The following RARB variants were observed in gnomAD, a reference collection of about 807,000 sequenced individuals.
The protein encoded by RARB is retinoic acid receptor beta, also known as HBV-activated protein.
A neutral mutation model predicts 51.9 loss-of-function variants in RARB; 17 were observed. The observed-to-expected ratio is 0.33, with a 90% CI of 0.22 to 0.49. The LOEUF is 0.49. Ranked by LOEUF, RARB falls within the 20% of genes least tolerant of loss-of-function variation. The probability of loss-of-function intolerance (pLI) is 0.99; values close to 1 mark genes in which losing one functional copy is unlikely to be tolerated. For synonymous variants in RARB, 215 were observed against 195.4 expected (o/e 1.10, Z -0.84); for missense variants, 369 against 550.8 (o/e 0.67, Z 3.30).
At chr3:25,227,811 A>G (rs1246749970) in intron 5 of RARB, among the ~76,000 whole-genome samples, 2 of 152,074 alleles carry the variant, frequency 1.3e-5, no homozygotes, top group South Asian at 2.1e-4. Context: ...ACATCCCTTT[A>G]TTCATTTCTT....
chr3:24,984,301 TA>T (rs1216411181), intron 2 of RARB, among the ~76,000 whole-genome samples: 1 of 152,222 alleles, frequency 6.6e-6, no homozygotes, highest in Non-Finnish European at 1.5e-5. Flanking sequence ...TAGATACTAC[TA>T]AAGTAGGTTT....
In RARB at chr3:24,863,355, A is replaced by C. The variant is rs143159002; in HGVS notation, c.-380+4603A>C. ...GCTTGGTGATGACAATTCCCTGTCTATAAAACGCTGATAGTTAAACAGTGA... is the reference window on the plus strand; with the variant it reads ...GCTTGGTGATGACAATTCCCTGTCTCTAAAACGCTGATAGTTAAACAGTGA... On this transcript the variant is annotated intron_variant, in intron 2 of 11. Coordinates refer to the RARB transcript ENST00000383772. Among the ~76,000 whole-genome samples, 3 of 152,342 alleles carry C rather than the reference A, an allele frequency of 2.0e-5. No individual in the cohort carries two copies. The East Asian group carries it at 5.8e-4, about 29-fold the overall frequency.
At chr3:25,278,292 T>G (rs1703440612) in intron 5 of RARB, among the ~76,000 whole-genome samples, 1 of 152,192 alleles carries the variant, frequency 6.6e-6, no homozygotes, top group African/African-American at 2.4e-5. Context: ...AATGAAATAA[T>G]GTATGTGAAA....
chr3:25,183,932 C>G (rs922137888), intron 5 of RARB, among the ~76,000 whole-genome samples: 3 of 152,028 alleles, frequency 2.0e-5, no homozygotes, highest in African/African-American at 4.8e-5. Flanking sequence ...TCCCCTTATC[C>G]AGGATTCTTT....
intron 2 of RARB, among the ~76,000 whole-genome samples, chr3:25,051,598 T>TTCAC (rs386396172): frequency 4.0e-5 from 6 of 151,834 alleles, no homozygotes; most frequent in Non-Finnish European, 8.8e-5. Flanking sequence ...AGACTACACA[T>TTCAC]TCAATTTAAT....
At position 24,958,255 on chromosome 3, in the gene RARB, G is replaced by GTTTTGTTTTTTTTTTTT. The variant is rs1314564374; in HGVS notation, c.-380+99507_-380+99508insGTTTTTTTTTTTTTTTT. 1.4e-4 allele frequency among the ~76,000 whole-genome samples: 10 copies of GTTTTGTTTTTTTTTTTT among 69,466 alleles called. 1 individual carries two copies. Among genetic ancestry groups the GTTTTGTTTTTTTTTTTT allele is most frequent in the Admixed American group, 4.4e-4 (2 of 4,556 alleles). The allele number at this position is 69,466 out of a possible 152,430, so 45.6% of individuals were successfully genotyped here. ...ACCTGAAGCTTCCTGAGCTGCTCAGGTTTTTTTTTTTTTTTTTTTTTTTTT... is the reference window on the plus strand; with the variant it reads ...ACCTGAAGCTTCCTGAGCTGCTCAGGTTTTGTTTTTTTTTTTTTTTTTTTTTTTTTTTTTTTTTTTTT... On this transcript the variant is annotated intron_variant, in intron 2 of 11. Transcript: ENST00000383772.
At chr3:25,483,447 T>C (rs553072160) in intron 2 of RARB, among the ~76,000 whole-genome samples, 1 of 152,230 alleles carries the variant, frequency 6.6e-6, no homozygotes, top group African/African-American at 2.4e-5. Flanking sequence ...AGTGATTCCA[T>C]TTGAGTGACT....
chr3:25,394,167 C>T (rs1454925605), intron 5 of RARB, among the ~76,000 whole-genome samples: 1 of 152,074 alleles, frequency 6.6e-6, no homozygotes, highest in Non-Finnish European at 1.5e-5. Flanking sequence ...AGTGACCATT[C>T]GGGAGCAGAT....
chr3:25,562,431 A>G (rs1409691699), intron 3 of RARB, among the ~76,000 whole-genome samples: 1 of 152,192 alleles, frequency 6.6e-6, no homozygotes. Flanking sequence ...GCTCTGTCAC[A>G]AACACGAAGC....
chr3:25,176,361 CCTTCCTTCCTTCCTTCCTTCCTTCCTTA>C (rs1700750965), intron 5 of RARB, among the ~76,000 whole-genome samples: 1 of 109,980 alleles, frequency 9.1e-6, no homozygotes, highest in Non-Finnish European at 2.0e-5. Context: ...TTCCTTCCTT[CCTTCCTTCCTTCCTTCCTTCCTTCCTTA>C]TTTATTTATT....
intron 2 of RARB, among the ~76,000 whole-genome samples, chr3:25,032,192 T>C (rs755205694): frequency 6.6e-6 from 1 of 152,218 alleles, no homozygotes; most frequent in Non-Finnish European, 1.5e-5. Context: ...ACAATAGCCA[T>C]CATTAAAATT....
chr3:24,996,936 G>T (rs1697052449), intron 2 of RARB, among the ~76,000 whole-genome samples: 2 of 152,150 alleles, frequency 1.3e-5, no homozygotes, highest in South Asian at 4.1e-4. Flanking sequence ...TTCTGTAGCT[G>T]TTGGGTGAAA....
intron 5 of RARB, among the ~76,000 whole-genome samples, chr3:25,353,885 A>G (rs1255691879): frequency 6.6e-6 from 1 of 152,096 alleles, no homozygotes; most frequent in Non-Finnish European, 1.5e-5. Flanking sequence ...AATATATGAA[A>G]TGCTTTCTAA....
chr3:25,459,375 AG>A (rs1156920754), intron 1 of RARB, among the ~76,000 whole-genome samples: 1 of 152,246 alleles, frequency 6.6e-6, no homozygotes, highest in Non-Finnish European at 1.5e-5. Context: ...TCAATAAATT[AG>A]GGGACTCACT....
At chr3:25,370,851 A>T (rs959849671) in intron 5 of RARB, among the ~76,000 whole-genome samples, 9 of 152,164 alleles carry the variant, frequency 5.9e-5, no homozygotes, top group African/African-American at 1.9e-4. Context: ...AATCCAGTAG[A>T]GTTGCACTCA....
intron 3 of RARB, among the ~76,000 whole-genome samples, chr3:25,062,451 A>G (rs1275182523): frequency 6.6e-6 from 1 of 151,942 alleles, no homozygotes; most frequent in Admixed American, 6.6e-5. Context: ...TAGACATTCT[A>G]TAACCCAACT....
chr3:24,992,133 A>G (rs1371003913), intron 2 of RARB, among the ~76,000 whole-genome samples: 1 of 152,214 alleles, frequency 6.6e-6, no homozygotes, highest in East Asian at 1.9e-4. Flanking sequence ...CCTAATGTGC[A>G]TGCCTACTTT....
intron 2 of RARB, among the ~76,000 whole-genome samples, chr3:24,911,452 T>C (rs944649180): frequency 7.2e-5 from 11 of 152,222 alleles, no homozygotes; most frequent in African/African-American, 2.7e-4. Flanking sequence ...ACAATTTCTG[T>C]TGCATATGTA....
intron 2 of RARB, among the ~76,000 whole-genome samples, chr3:24,946,873 G>A (rs1325050422): frequency 6.6e-6 from 1 of 152,100 alleles, no homozygotes; most frequent in Non-Finnish European, 1.5e-5. Context: ...AATCATAATA[G>A]TAATAATAGC....
Sources: gnomAD v4.1 joint callset for allele counts (sites outside exome capture counted in the v4.1 genomes callset) on GRCh38, gnomAD v4.1.1 for gene constraint, MANE v1.5 for transcripts, NCBI Gene and HGNC (gene_info 2026-07-23, HGNC 2026-07-21) for gene names.